The following CALCOCO2 variants were observed in gnomAD, a reference collection of about 807,000 sequenced individuals.
CALCOCO2 encodes calcium binding and coiled-coil domain 2.
In CALCOCO2, 42 loss-of-function variants were observed where a neutral mutation model predicts 62.5. The ratio of observed to expected loss-of-function variants is 0.67; its 90% confidence interval spans 0.53 to 0.87. The LOEUF (loss-of-function observed/expected upper bound fraction) is 0.87. Ranked by LOEUF, CALCOCO2 falls within the 40% of genes least tolerant of loss-of-function variation. The pLI, the probability that CALCOCO2 is intolerant of heterozygous loss-of-function variation, is 0.00. For missense variants in CALCOCO2, 456 were observed against 515.0 expected (o/e 0.89, Z 1.11); for synonymous variants, 167 against 173.0 (o/e 0.97, Z 0.27).
intron 4 of CALCOCO2, chr17:48,848,760 C>T (rs777839293): frequency 1.9e-6 from 1 of 536,550 alleles, no homozygotes. Context: ...TGTAAAAGCT[C>T]CTTTGAGGAG....
rs1003124647 is a variant in CALCOCO2 at position 48,845,981 on chromosome 17, A to T, written c.181-2083A>T. The T allele has an allele frequency of 7.9e-6, 6 of 756,712 alleles. No homozygotes were observed. In the African/African-American group the frequency reaches 1.1e-4, roughly 14 times the overall value. The allele number at this position is 756,712 out of a possible 1,614,324, so 46.9% of individuals were successfully genotyped here. A position where few individuals can be genotyped will look rare whatever the true frequency, so the allele number is the denominator to read the frequency against. On this transcript the variant is annotated intron_variant, in intron 2 of 12. Coordinates refer to ENST00000258947, the MANE Select transcript of CALCOCO2 (RefSeq NM_005831.5). ...AATTAGAGAATGAAGAGTTGGCTGT[A>T]AAGTTTCGTCCTTTGCAGCTCACCT... is the stretch of plus-strand genomic sequence containing the variant.
chr17:48,853,144 G>C, intron 9 of CALCOCO2, 132 bp downstream of exon 9: 1 of 628,934 alleles, frequency 1.6e-6, no homozygotes, highest in East Asian at 2.8e-5. Context: ...TTGCTTTCTA[G>C]CCAAAAGGAC....
chr17:48,848,594 C>T, intron 4 of CALCOCO2, 139 bp downstream of exon 4: 1 of 764,480 alleles, frequency 1.3e-6, no homozygotes. Flanking sequence ...CTCACACAGA[C>T]TCACTCAGGA....
chr17:48,837,092 T>C (rs1192814900), intron 1 of CALCOCO2, among the ~76,000 whole-genome samples: 2 of 152,042 alleles, frequency 1.3e-5, no homozygotes, highest in Non-Finnish European at 2.9e-5. Flanking sequence ...CTTATCTGAG[T>C]GTTCTTCATG....
At chr17:48,854,131 A>T (rs1412781922) in intron 9 of CALCOCO2, among the ~76,000 whole-genome samples, 1 of 151,108 alleles carries the variant, frequency 6.6e-6, no homozygotes, top group Non-Finnish European at 1.5e-5. Flanking sequence ...GCCTGACCAA[A>T]ATGGAGAAAC....
intron 1 of CALCOCO2, among the ~76,000 whole-genome samples, chr17:48,838,256 T>G (rs1001179279): frequency 6.6e-6 from 1 of 152,172 alleles, no homozygotes; most frequent in Non-Finnish European, 1.5e-5. Context: ...TTCACAGTGC[T>G]TTTCTATACA....
At chr17:48,849,228 A>ACC in intron 4 of CALCOCO2, 24 bp from the exon 5 acceptor site, 1 of 1,612,014 alleles carries the variant, frequency 6.2e-7, no homozygotes, top group Non-Finnish European at 8.5e-7. Context: ...CTTGGAATAT[A>ACC]GTTTATGGAA....
rs1468822327 is a variant in CALCOCO2 at position 48,863,765 on chromosome 17, A to G, written c.*760A>G. On this transcript the variant is annotated 3_prime_UTR_variant, in exon 13 of 13. Coordinates refer to ENST00000258947, the MANE Select transcript of CALCOCO2 (RefSeq NM_005831.5). ...AGTTTTCTGAGTAGGTGAGTTTTGA[A>G]TATGGGTAAATCAGAATAATGAGAC... The G allele has an allele frequency of 6.6e-6, 1 of 152,250 alleles. No homozygotes were observed. The highest frequency in any genetic ancestry group is 1.5e-5 in the Non-Finnish European group (1 of 68,072). The allele number at this position is 152,250 out of a possible 1,614,324, so 9.4% of individuals were successfully genotyped here. A position where few individuals can be genotyped will look rare whatever the true frequency, so the allele number is the denominator to read the frequency against.
intron 10 of CALCOCO2, 137 bp downstream of exon 10, chr17:48,856,324 G>A (rs1197394542): frequency 1.7e-6 from 1 of 571,698 alleles, no homozygotes; most frequent in Non-Finnish European, 3.1e-6. Flanking sequence ...CCTAAACGAA[G>A]AGTAAATTTA....
At position 48,852,912 on chromosome 17, in the gene CALCOCO2, C is replaced by T; in HGVS notation, c.826-14C>T. 6.2e-7 allele frequency: 1 copy of T among 1,600,748 alleles called. No homozygotes were observed. Among genetic ancestry groups the T allele is most frequent in the Non-Finnish European group, 8.6e-7 (1 of 1,167,980 alleles). On this transcript the variant is annotated splice_polypyrimidine_tract_variant and intron_variant, in intron 8 of 12. Coordinates refer to ENST00000258947, the MANE Select transcript of CALCOCO2 (RefSeq NM_005831.5). ...GTTTTCCCAGCAATGGTACTGAAAT[C>T]TCTTTTTGTGCAGAGGAAGGACCAG...
intron 4 of CALCOCO2, 142 bp from the exon 5 acceptor site, chr17:48,849,110 A>T: frequency 1.4e-6 from 1 of 708,714 alleles, no homozygotes; most frequent in South Asian, 1.8e-5. Flanking sequence ...ACCCTTACCT[A>T]GGTATTAAGG....
intron 2 of CALCOCO2, chr17:48,846,350 A>G: frequency 1.6e-6 from 1 of 629,994 alleles, no homozygotes; most frequent in South Asian, 1.9e-5. Flanking sequence ...TCTATAGTGA[A>G]AGCCACCACC....
chr17:48,837,640 T>C (rs1456884943), intron 1 of CALCOCO2, among the ~76,000 whole-genome samples: 1 of 151,702 alleles, frequency 6.6e-6, no homozygotes, highest in African/African-American at 2.4e-5. Context: ...AGCGAAACTC[T>C]GTCTAAAAAA....
intron 5 of CALCOCO2, among the ~76,000 whole-genome samples, chr17:48,850,046 A>G (rs576145536): frequency 1.3e-5 from 2 of 152,020 alleles, no homozygotes; most frequent in African/African-American, 4.8e-5. Context: ...CATGCCTGTA[A>G]TCTCAGCACT....
rs1313855536 is a variant in CALCOCO2, at chr17:48,864,642, T to G, written c.*1637T>G. The G allele has an allele frequency of 6.6e-6, 1 of 152,450 alleles. No homozygotes were observed. The highest frequency in any genetic ancestry group is 1.5e-5 in the Non-Finnish European group (1 of 68,224). The allele number at this position is 152,450 out of a possible 1,614,324, so 9.4% of individuals were successfully genotyped here. On this transcript the variant is annotated 3_prime_UTR_variant, in exon 13 of 13. Coordinates refer to ENST00000258947, the MANE Select transcript of CALCOCO2 (RefSeq NM_005831.5). Reference sequence around the variant, plus strand: ...ATAAGGGTTGAGCCAACTATAGCTCTGTGTTCCTACTGGGCTTTCCCTAAT... The same window carrying G: ...ATAAGGGTTGAGCCAACTATAGCTCGGTGTTCCTACTGGGCTTTCCCTAAT...
At chr17:48,858,039 GAATAGAAAAT>G (rs1567759400) in intron 10 of CALCOCO2, among the ~76,000 whole-genome samples, 5 of 21,608 alleles carry the variant, frequency 2.3e-4, no homozygotes, top group Non-Finnish European at 7.5e-4. Flanking sequence ...GAATAGAATA[GAATAGAAAAT>G]AGAATAGAAT....
At chr17:48,843,849 G>A (rs2040008467) in intron 2 of CALCOCO2, 1 of 152,212 alleles carries the variant, frequency 6.6e-6, no homozygotes, top group Non-Finnish European at 1.5e-5. Context: ...CACTTGAAAT[G>A]TGGTTAGTGT....
At position 48,863,267 on chromosome 17, in the gene CALCOCO2, A is replaced by G. The variant is rs534791657; in HGVS notation, c.*262A>G. The stretch of plus-strand genomic sequence containing the variant: ...CACCTGTCATTCTTCTGAGGGTCTC[A>G]GTACAAGGGCCCTGGGATGGAGCCA... On this transcript the variant is annotated 3_prime_UTR_variant, in exon 13 of 13. Coordinates refer to ENST00000258947, the MANE Select transcript of CALCOCO2 (RefSeq NM_005831.5). 5 of 414,892 alleles carry G rather than the reference A, an allele frequency of 1.2e-5. 1 individual carries two copies. Among genetic ancestry groups the G allele is most frequent in the South Asian group, 4.3e-5 (2 of 46,644 alleles). 25.7% of individuals were successfully genotyped at this position (414,892 alleles called of 1,614,324 possible). A position where few individuals can be genotyped will look rare whatever the true frequency, so the allele number is the denominator to read the frequency against.
intron 1 of CALCOCO2, among the ~76,000 whole-genome samples, chr17:48,840,604 G>A (rs1462658454): frequency 6.6e-6 from 1 of 152,142 alleles, no homozygotes. Context: ...CACCTAGAAT[G>A]CCCTCACTCA....
Sources: gnomAD v4.1 joint callset for allele counts (sites outside exome capture counted in the v4.1 genomes callset) on GRCh38, gnomAD v4.1.1 for gene constraint, MANE v1.5 for transcripts, NCBI Gene and HGNC (gene_info 2026-07-23, HGNC 2026-07-21) for gene names.